The following MECR variants were observed in gnomAD, a reference collection of about 807,000 sequenced individuals.
The protein encoded by MECR is mitochondrial trans-2-enoyl-CoA reductase.
Under a neutral mutation model 49.1 loss-of-function variants are expected in MECR, and 37 were observed. The ratio of observed to expected loss-of-function variants is 0.75; its 90% CI spans 0.58 to 0.99. The LOEUF (loss-of-function observed/expected upper bound fraction) is 0.99. Among genes scored for constraint, MECR ranks in the 50% least tolerant of loss-of-function variants. The pLI is 0.00. For missense variants in MECR, 470 were observed against 479.6 expected (o/e 0.98, Z 0.19); for synonymous variants, 198 against 191.1 (o/e 1.04, Z -0.30).
chr1:29,225,683 C>T (rs2151917514), intron 1 of MECR, among the ~76,000 whole-genome samples: 1 of 152,298 alleles, frequency 6.6e-6, no homozygotes, highest in South Asian at 2.1e-4. Flanking sequence ...GAGCTCTAAA[C>T]AGAGCACCAA....
At chr1:29,219,707 G>C (rs1015690989) in intron 1 of MECR, among the ~76,000 whole-genome samples, 3 of 152,092 alleles carry the variant, frequency 2.0e-5, no homozygotes, top group African/African-American at 7.2e-5. Flanking sequence ...ATACCCAATG[G>C]GGGCTGTTGT....
the MECR span, among the ~76,000 whole-genome samples, chr1:29,182,760 T>C: frequency 2.6e-5 from 4 of 152,186 alleles, no homozygotes; most frequent in Admixed American, 2.6e-4. Context: ...GCCAGGCAGG[T>C]CTCAAACTCC....
the MECR span, among the ~76,000 whole-genome samples, chr1:29,175,823 T>C: frequency 1.9e-4 from 29 of 151,998 alleles, no homozygotes; most frequent in African/African-American, 7.0e-4. Flanking sequence ...TAAACAAAAC[T>C]TGTTTTAACC....
chr1:29,221,814 T>C (rs1680847384), intron 1 of MECR, among the ~76,000 whole-genome samples: 1 of 152,190 alleles, frequency 6.6e-6, no homozygotes, highest in African/African-American at 2.4e-5. Flanking sequence ...TCTGGGTGAT[T>C]TCACTGAACA....
chr1:29,211,688 G>A (rs541707713), intron 3 of MECR, among the ~76,000 whole-genome samples: 6 of 124,290 alleles, frequency 4.8e-5, no homozygotes, highest in Non-Finnish European at 9.1e-5. Flanking sequence ...GTCATACAGC[G>A]GAGCTGGAAA....
At chr1:29,170,528 C>G in the MECR span, 1 of 152,204 alleles carries the variant, frequency 6.6e-6, no homozygotes, top group East Asian at 1.9e-4. Context: ...CTCATAATCG[C>G]CCCTGGTCCC....
chr1:29,209,264 A>T (rs1677362933), intron 3 of MECR, among the ~76,000 whole-genome samples: 1 of 152,196 alleles, frequency 6.6e-6, no homozygotes, highest in African/African-American at 2.4e-5. Flanking sequence ...TTTCTGCTCA[A>T]CTTTAATTTT....
At chr1:29,172,783 G>C in the MECR span, 1 of 152,068 alleles carries the variant, frequency 6.6e-6, no homozygotes, top group Non-Finnish European at 1.5e-5. Context: ...TATGTACTCA[G>C]GGATAATAAA....
intron 3 of MECR, among the ~76,000 whole-genome samples, chr1:29,212,929 A>G (rs1196996389): frequency 6.6e-6 from 1 of 152,082 alleles, no homozygotes; most frequent in Non-Finnish European, 1.5e-5. Flanking sequence ...GCCTTCTCTC[A>G]TCACTTACGT....
At chr1:29,177,497 G>C in the MECR span, among the ~76,000 whole-genome samples, 14 of 152,146 alleles carry the variant, frequency 9.2e-5, no homozygotes, top group Non-Finnish European at 1.8e-4. Context: ...GGTCAGGCTG[G>C]TCTTGAACTT....
At chr1:29,168,547 C>T in the MECR span, 3 of 152,174 alleles carry the variant, frequency 2.0e-5, no homozygotes, top group Non-Finnish European at 4.4e-5. Context: ...TATGTGACAA[C>T]CAGGTTACTT....
At chr1:29,203,844 C>T (rs1216628391) in intron 4 of MECR, among the ~76,000 whole-genome samples, 1 of 152,240 alleles carries the variant, frequency 6.6e-6, no homozygotes, top group Non-Finnish European at 1.5e-5. Context: ...TAAAGGTGCA[C>T]TGCCTTGAAA....
rs149418585 is a variant in MECR, at chr1:29,225,260, C to T, written c.176+5471G>A. The stretch of plus-strand genomic sequence containing the variant: ...GTGCACAGTAGGCAGTCAACAAATA[C>T]GGACTGATCACACACACCATGTTTT... On this transcript the variant is annotated intron_variant, in intron 1 of 9. Transcript: ENST00000263702. Among the ~76,000 whole-genome samples the T allele has an allele frequency of 3.2e-3, 483 of 152,270 alleles. 9 individuals carry two copies. The highest frequency in any genetic ancestry group is 3.8e-3 in the Non-Finnish European group (256 of 68,012).
intron 3 of MECR, among the ~76,000 whole-genome samples, chr1:29,209,128 C>A (rs1677319687): frequency 6.6e-6 from 1 of 152,158 alleles, no homozygotes; most frequent in Non-Finnish European, 1.5e-5. Flanking sequence ...GAATTCTGAC[C>A]CACAGTAACC....
intron 1 of MECR, among the ~76,000 whole-genome samples, chr1:29,228,592 A>C (rs1490429791): frequency 6.6e-6 from 1 of 152,168 alleles, no homozygotes; most frequent in Non-Finnish European, 1.5e-5. Context: ...CAGGGATTAC[A>C]GGCATGAGCC....
intron 3 of MECR, among the ~76,000 whole-genome samples, chr1:29,214,752 G>T (rs1678940126): frequency 6.6e-6 from 1 of 152,208 alleles, no homozygotes; most frequent in African/African-American, 2.4e-5. Context: ...GAACCCAGGA[G>T]AAAGAATCCA....
At position 29,203,131 on chromosome 1, in the gene MECR, C is replaced by T; in HGVS notation, c.653G>A (p.Arg218Lys). The T allele has an allele frequency of 6.4e-7, 1 of 1,570,178 alleles. No homozygotes were observed. Among genetic ancestry groups the T allele is most frequent in the Non-Finnish European group, 8.7e-7 (1 of 1,154,464 alleles). The change falls in exon 5 of 10, where the codon AGA (arginine) becomes AAA (lysine). Residue 218 changes from arginine (R) to lysine (K), a missense_variant and splice_region_variant. Transcript: ENST00000263702. ...GLRTINVVRDRPDIQKLSDRL... is the reference protein window; with the variant it reads ...GLRTINVVRDKPDIQKLSDRL... ...GGATGAAGCCTCCTTCCCCACGCAC[C>T]TGTCTCGGACCACATTGATGGTTCT... is the stretch of plus-strand genomic sequence containing the variant.
intron 7 of MECR, 98 bp downstream of exon 7, chr1:29,200,418 G>T: frequency 1.8e-6 from 2 of 1,136,160 alleles, no homozygotes; most frequent in Non-Finnish European, 2.6e-6. Flanking sequence ...ACCTGGACTT[G>T]GCTCGAACTG....
the MECR span, chr1:29,181,801 G>A: frequency 8.1e-6 from 12 of 1,486,850 alleles, no homozygotes; most frequent in South Asian, 1.1e-4. Flanking sequence ...CCCCTTAGGC[G>A]GCGGCGGGCA....
Sources: gnomAD v4.1 joint callset for allele counts (sites outside exome capture counted in the v4.1 genomes callset) on GRCh38, gnomAD v4.1.1 for gene constraint, MANE v1.5 for transcripts, NCBI Gene and HGNC (gene_info 2026-07-23, HGNC 2026-07-21) for gene names.